Variants in CYB5B observed in about 807,000 individuals in gnomAD.
CYB5B encodes cytochrome b5 type B (outer mitochondrial membrane).
CYB5B carries 14 observed loss-of-function variants against 21.3 expected under a neutral mutation model. That is an observed-to-expected ratio of 0.66 (90% confidence interval 0.43 to 1.03). CYB5B has a LOEUF of 1.03. Ranked by LOEUF, CYB5B falls within the 50% of genes least tolerant of loss-of-function variation. CYB5B has a pLI of 0.00. For synonymous variants in CYB5B, 69 were observed against 68.4 expected (o/e 1.01, Z -0.04); for missense variants, 166 against 185.1 (o/e 0.90, Z 0.60).
intron 1 of CYB5B, among the ~76,000 whole-genome samples, chr16:69,435,771 G>A (rs974719405): frequency 4.6e-5 from 7 of 151,954 alleles, no homozygotes; most frequent in African/African-American, 1.5e-4. Context: ...CCGAGTACCT[G>A]GGATTACAGG....
chr16:69,458,983 G>C (rs1380004511), intron 3 of CYB5B, 110 bp from the exon 4 acceptor site: 2 of 924,470 alleles, frequency 2.2e-6, no homozygotes, highest in East Asian at 2.8e-5. Flanking sequence ...ATGAAGTTCT[G>C]GTATCAGTTA....
In CYB5B at chr16:69,465,589, G is replaced by A. The variant is rs2015081267; in HGVS notation, c.*3069G>A. The A allele has an allele frequency of 6.6e-6, 1 of 152,212 alleles. No homozygotes were observed. The highest frequency in any genetic ancestry group is 1.5e-5 in the Non-Finnish European group (1 of 68,052). The allele number at this position is 152,212 out of a possible 1,614,324, so 9.4% of individuals were successfully genotyped here. A position where few individuals can be genotyped will look rare whatever the true frequency, so the allele number is the denominator to read the frequency against. ...GCATATGTTGTGAAATCAGAACACTGTCGAGTTTATACTCATTTAGCTGCA... is the reference window on the plus strand; with the variant it reads ...GCATATGTTGTGAAATCAGAACACTATCGAGTTTATACTCATTTAGCTGCA... On this transcript the variant is annotated 3_prime_UTR_variant, in exon 5 of 5. Coordinates refer to ENST00000307892, the MANE Select transcript of CYB5B (RefSeq NM_030579.3).
chr16:69,436,361 T>G (rs73566710), intron 1 of CYB5B, among the ~76,000 whole-genome samples: 9,679 of 152,258 alleles, frequency 0.064, 1,015 homozygotes, highest in African/African-American at 0.22. Context: ...GGACCCCGTC[T>G]GGGGGGATAA....
chr16:69,429,413 A>C (rs1208426229), intron 1 of CYB5B, among the ~76,000 whole-genome samples: 1 of 152,120 alleles, frequency 6.6e-6, no homozygotes, highest in Non-Finnish European at 1.5e-5. Context: ...CAGAGTGCTG[A>C]TTGGTGCATT....
intron 1 of CYB5B, among the ~76,000 whole-genome samples, chr16:69,431,642 T>G (rs1260215192): frequency 6.6e-6 from 1 of 152,058 alleles, no homozygotes; most frequent in Non-Finnish European, 1.5e-5. Context: ...CATGGTGGCA[T>G]GAGCCTGTAG....
intron 2 of CYB5B, 81 bp downstream of exon 2, chr16:69,447,359 T>A: frequency 6.5e-7 from 1 of 1,531,530 alleles, no homozygotes; most frequent in Non-Finnish European, 8.8e-7. Flanking sequence ...AATGAATTAT[T>A]GGCTGGGCGT....
chr16:69,433,308 T>C lies in CYB5B; in HGVS notation c.174+8451T>C, dbSNP rs563603803. ...TTTTTAAGTAGGTCAAACAGGTATA[T>C]AGTAAAAAGCCACCTTCCCCTCTGC... is the stretch of plus-strand genomic sequence containing the variant. On this transcript the variant is annotated intron_variant, in intron 1 of 4. Transcript: ENST00000307892. Among the ~76,000 whole-genome samples the C allele has an allele frequency of 5.3e-5, 8 of 152,330 alleles. No homozygotes were observed. In the East Asian group the frequency reaches 1.3e-3, roughly 26 times the overall value.
chr16:69,440,746 G>A (rs2014811557), intron 1 of CYB5B, among the ~76,000 whole-genome samples: 1 of 4,574 alleles, frequency 2.2e-4, no homozygotes, highest in South Asian at 4.5e-3. Context: ...TGTGTGTTGC[G>A]TGTGTGTGTG....
chr16:69,435,369 T>G, intron 1 of CYB5B, among the ~76,000 whole-genome samples: 1 of 152,220 alleles, frequency 6.6e-6, no homozygotes, highest in East Asian at 1.9e-4. Context: ...GCAGCATCTT[T>G]TGAGTACCAA....
At chr16:69,429,915 T>C (rs1424039479) in intron 1 of CYB5B, among the ~76,000 whole-genome samples, 2 of 152,194 alleles carry the variant, frequency 1.3e-5, no homozygotes, top group African/African-American at 4.8e-5. Context: ...TTACCATTTT[T>C]TTGATTAATG....
intron 3 of CYB5B, among the ~76,000 whole-genome samples, chr16:69,454,101 T>A (rs1421323430): frequency 6.6e-6 from 1 of 152,180 alleles, no homozygotes; most frequent in Non-Finnish European, 1.5e-5. Context: ...TTATAACAAA[T>A]TTTTCACTTC....
At chr16:69,430,412 G>A (rs981181834) in intron 1 of CYB5B, among the ~76,000 whole-genome samples, 13 of 151,876 alleles carry the variant, frequency 8.6e-5, no homozygotes, top group African/African-American at 2.9e-4. Context: ...GTAGAGATGG[G>A]GTTTCATCAT....
intron 1 of CYB5B, among the ~76,000 whole-genome samples, chr16:69,428,652 C>T (rs773842326): frequency 6.7e-6 from 1 of 149,414 alleles, no homozygotes; most frequent in Non-Finnish European, 1.5e-5. Flanking sequence ...GAGACTCCGT[C>T]ACAAATGAAA....
At chr16:69,454,086 C>A (rs999876826) in intron 3 of CYB5B, among the ~76,000 whole-genome samples, 5 of 152,116 alleles carry the variant, frequency 3.3e-5, no homozygotes, top group Admixed American at 3.3e-4. Context: ...ATCAGCCCTC[C>A]AATGTTATAA....
At chr16:69,454,886 TTTTTGTTTTG>T (rs997890372) in intron 3 of CYB5B, among the ~76,000 whole-genome samples, 3 of 151,868 alleles carry the variant, frequency 2.0e-5, no homozygotes, top group Middle Eastern at 3.4e-3. Context: ...TTTTTTGGGG[TTTTTGTTTTG>T]TTTTGTTTTG....
intron 3 of CYB5B, chr16:69,448,489 T>G (rs758690904): frequency 2.2e-5 from 5 of 225,454 alleles, no homozygotes; most frequent in Non-Finnish European, 4.3e-5. Context: ...AATAATTGTT[T>G]CTGTGTTGGA....
At chr16:69,459,049 CTTTT>C (rs774036603) in intron 3 of CYB5B, 40 bp from the exon 4 acceptor site, 1 of 1,530,308 alleles carries the variant, frequency 6.5e-7, no homozygotes, top group African/African-American at 1.5e-5. Flanking sequence ...AATCTTCTTT[CTTTT>C]TGTTTGTTAT....
rs999845909 is a variant in CYB5B at position 69,464,310 on chromosome 16, A to T, written c.*1790A>T. ...CTGGCTGACTTTTATTATCAGGGAT[A>T]TGGGTTTAGTAAAGCTTTTATCTTT... On this transcript the variant is annotated 3_prime_UTR_variant, in exon 5 of 5. Coordinates refer to ENST00000307892, the MANE Select transcript of CYB5B (RefSeq NM_030579.3). The T allele has an allele frequency of 6.6e-6, 1 of 152,208 alleles. No individual in the cohort carries two copies. Among genetic ancestry groups the T allele is most frequent in the Admixed American group, 6.5e-5 (1 of 15,278 alleles). The allele number at this position is 152,208 out of a possible 1,614,324, so 9.4% of individuals were successfully genotyped here.
chr16:69,453,679 C>T (rs2014956990), intron 3 of CYB5B, among the ~76,000 whole-genome samples: 1 of 152,178 alleles, frequency 6.6e-6, no homozygotes, highest in Non-Finnish European at 1.5e-5. Flanking sequence ...CTGCCTCAGC[C>T]TTCTGAGTAG....
Sources: gnomAD v4.1 joint callset for allele counts (sites outside exome capture counted in the v4.1 genomes callset) on GRCh38, gnomAD v4.1.1 for gene constraint, MANE v1.5 for transcripts, NCBI Gene and HGNC (gene_info 2026-07-23, HGNC 2026-07-21) for gene names.